The following SEMA5A variants were observed in gnomAD, a reference collection of about 807,000 sequenced individuals.
SEMA5A encodes the protein semaphorin 5A.
Under a neutral mutation model 135.5 loss-of-function variants are expected in SEMA5A, and 55 were observed. That is an observed-to-expected ratio of 0.41 (90% confidence interval 0.33 to 0.51). The LOEUF (loss-of-function observed/expected upper bound fraction) is 0.51, where lower values mean the gene tolerates loss of function less well. Ranked by LOEUF, SEMA5A falls within the 20% of genes least tolerant of loss-of-function variation. The pLI is 0.37. For synonymous variants in SEMA5A, 580 were observed against 546.5 expected, an observed-to-expected ratio of 1.06 and a Z score of -0.85; for missense variants, 1,290 against 1,419.9, an observed-to-expected ratio of 0.91 and a Z score of 1.47.
chr5:9,107,526 C>A lies in SEMA5A; in HGVS notation c.2073+614G>T, dbSNP rs576408868. Among the ~76,000 whole-genome samples, 173 of 152,224 alleles carry A rather than the reference C, an allele frequency of 1.1e-3. 1 individual carries two copies. Among genetic ancestry groups the A allele is most frequent in the Non-Finnish European group, 1.6e-3 (111 of 68,026 alleles). On this transcript the variant is annotated intron_variant, in intron 16 of 22. Coordinates refer to ENST00000382496, the MANE Select transcript of SEMA5A (RefSeq NM_003966.3). ...CTGATATGGGGATATTATTCCGTGTCCCAAACCGAATAGAGTAGCCATATA... is the reference window on the plus strand; with the variant it reads ...CTGATATGGGGATATTATTCCGTGTACCAAACCGAATAGAGTAGCCATATA...
intron 1 of SEMA5A, among the ~76,000 whole-genome samples, chr5:9,533,862 C>T (rs1339889913): frequency 1.3e-5 from 2 of 152,160 alleles, no homozygotes; most frequent in East Asian, 3.8e-4. Context: ...CCCGTGGCCC[C>T]CTTCCTCATG....
At chr5:9,513,913 C>A (rs1034795212) in intron 1 of SEMA5A, among the ~76,000 whole-genome samples, 27 of 152,176 alleles carry the variant, frequency 1.8e-4, no homozygotes, top group African/African-American at 6.5e-4. Context: ...ACCACTGTAA[C>A]AAATTCCCAT....
intron 1 of SEMA5A, among the ~76,000 whole-genome samples, chr5:9,521,511 T>C (rs1736832047): frequency 6.6e-6 from 1 of 152,126 alleles, no homozygotes; most frequent in Non-Finnish European, 1.5e-5. Flanking sequence ...GATTCCAGAA[T>C]AAAAACTGCA....
intron 2 of SEMA5A, among the ~76,000 whole-genome samples, chr5:9,427,660 T>G (rs972451967): frequency 6.6e-5 from 10 of 152,154 alleles, no homozygotes; most frequent in Non-Finnish European, 1.5e-4. Context: ...GCTTCAGGGA[T>G]GTAAGGAAGG....
intron 5 of SEMA5A, among the ~76,000 whole-genome samples, chr5:9,298,776 G>T (rs2150604245): frequency 6.6e-6 from 1 of 152,264 alleles, no homozygotes; most frequent in Non-Finnish European, 1.5e-5. Flanking sequence ...TGACATTTTT[G>T]CAGCTTTAAA....
At chr5:9,311,140 G>A (rs1039492946) in intron 5 of SEMA5A, among the ~76,000 whole-genome samples, 7 of 75,594 alleles carry the variant, frequency 9.3e-5, no homozygotes, top group South Asian at 9.4e-4. Flanking sequence ...GGTAAATTTC[G>A]CTCAACGGGG....
At chr5:9,165,690 G>A (rs1365386679) in intron 11 of SEMA5A, among the ~76,000 whole-genome samples, 3 of 152,190 alleles carry the variant, frequency 2.0e-5, no homozygotes, top group Non-Finnish European at 4.4e-5. Context: ...TCACTGCAGA[G>A]TAAAAGAAAA....
chr5:9,417,022 A>G (rs1757305491), intron 2 of SEMA5A, among the ~76,000 whole-genome samples: 1 of 152,262 alleles, frequency 6.6e-6, no homozygotes, highest in Non-Finnish European at 1.5e-5. Context: ...AATGTTTCTC[A>G]GCTGCTAAAA....
At chr5:9,512,449 T>C (rs1736261204) in intron 1 of SEMA5A, among the ~76,000 whole-genome samples, 2 of 152,184 alleles carry the variant, frequency 1.3e-5, no homozygotes, top group Non-Finnish European at 1.5e-5. Context: ...TCTAAAGTGA[T>C]GTGGGTAGGA....
chr5:9,213,353 C>T (rs905447425), intron 8 of SEMA5A, among the ~76,000 whole-genome samples: 2 of 152,168 alleles, frequency 1.3e-5, no homozygotes, highest in African/African-American at 4.8e-5. Flanking sequence ...AAGTCCTGGT[C>T]ATTGGGAACT....
intron 1 of SEMA5A, among the ~76,000 whole-genome samples, chr5:9,476,744 T>G (rs1188976369): frequency 6.6e-6 from 1 of 152,098 alleles, no homozygotes; most frequent in East Asian, 1.9e-4. Flanking sequence ...CAACATCTAC[T>G]AAGGCAAAAT....
intron 2 of SEMA5A, among the ~76,000 whole-genome samples, chr5:9,409,208 A>T (rs574614363): frequency 4.1e-4 from 62 of 152,352 alleles, no homozygotes; most frequent in South Asian, 1.5e-3. Flanking sequence ...CTACCAGGTA[A>T]GAAACATGGT....
At chr5:9,191,342 G>A (rs900597824) in intron 10 of SEMA5A, among the ~76,000 whole-genome samples, 2 of 152,150 alleles carry the variant, frequency 1.3e-5, no homozygotes, top group Non-Finnish European at 1.5e-5. Flanking sequence ...ACTGTTTCTG[G>A]CAAGGATGAG....
intron 10 of SEMA5A, among the ~76,000 whole-genome samples, chr5:9,196,301 T>C (rs1054279057): frequency 1.3e-5 from 2 of 152,140 alleles, no homozygotes; most frequent in African/African-American, 4.8e-5. Flanking sequence ...GGTGGGGCCC[T>C]GGTCCAGTGG....
At chr5:9,211,146 T>C (rs1238265367) in intron 8 of SEMA5A, among the ~76,000 whole-genome samples, 1 of 152,198 alleles carries the variant, frequency 6.6e-6, no homozygotes, top group African/African-American at 2.4e-5. Context: ...TCCATCCATG[T>C]CATCTCATCT....
At chr5:9,092,075 A>G (rs903264108) in intron 16 of SEMA5A, among the ~76,000 whole-genome samples, 3 of 152,190 alleles carry the variant, frequency 2.0e-5, no homozygotes, top group African/African-American at 7.2e-5. Context: ...CTGATTCCAG[A>G]GTGAGAGCTC....
chr5:9,538,414 T>C (rs989526911), intron 1 of SEMA5A, among the ~76,000 whole-genome samples: 3 of 152,086 alleles, frequency 2.0e-5, no homozygotes, highest in South Asian at 4.1e-4. Context: ...GCTAAGAAAG[T>C]GTACAAGGAC....
chr5:9,329,078 C>A (rs1329524080), intron 4 of SEMA5A, among the ~76,000 whole-genome samples: 1 of 152,172 alleles, frequency 6.6e-6, no homozygotes, highest in Non-Finnish European at 1.5e-5. Context: ...GTCTTCCCTG[C>A]CAGATTCCTC....
intron 4 of SEMA5A, among the ~76,000 whole-genome samples, chr5:9,329,159 T>TCCCTTTACTCTTGGTGTTTTCAGGA (rs1561152434): frequency 6.6e-6 from 1 of 152,150 alleles, no homozygotes; most frequent in East Asian, 1.9e-4. Context: ...CACCATCATA[T>TCCCTTTACTCTTGGTGTTTTCAGGA]CCCTTTACTC....
Sources: gnomAD v4.1 joint callset for allele counts (sites outside exome capture counted in the v4.1 genomes callset) on GRCh38, gnomAD v4.1.1 for gene constraint, MANE v1.5 for transcripts, NCBI Gene and HGNC (gene_info 2026-07-23, HGNC 2026-07-21) for gene names.